IKZF1: variants seen among roughly 807,000 people sequenced by gnomAD.
IKZF1 encodes IKAROS family zinc finger 1, also known as DNA-binding protein Ikaros.
IKZF1 carries 10 observed loss-of-function variants against 51.7 expected under a neutral mutation model. The ratio of observed to expected loss-of-function variants is 0.19; its 90% CI spans 0.12 to 0.33. The LOEUF (loss-of-function observed/expected upper bound fraction) is 0.33. Among genes scored for constraint, IKZF1 ranks in the 10% least tolerant of loss-of-function variants. The pLI is 1.00. For missense variants in IKZF1, 484 were observed against 707.5 expected (o/e 0.68, Z 3.58); for synonymous variants, 280 against 282.3 (o/e 0.99, Z 0.08).
chr7:50,325,992 TGTG>T (rs1257405653), intron 2 of IKZF1, among the ~76,000 whole-genome samples: 1 of 152,206 alleles, frequency 6.6e-6, no homozygotes, highest in Non-Finnish European at 1.5e-5. Context: ...ATATGCCAAT[TGTG>T]GTAATTACAG....
At chr7:50,375,494 A>G (rs1426932766) in intron 3 of IKZF1, among the ~76,000 whole-genome samples, 1 of 152,342 alleles carries the variant, frequency 6.6e-6, no homozygotes, top group Admixed American at 6.5e-5. Flanking sequence ...CTTTCAGTGT[A>G]ACTACAAATT....
chr7:50,363,315 C>A (rs746293817), intron 3 of IKZF1, among the ~76,000 whole-genome samples: 1 of 152,126 alleles, frequency 6.6e-6, no homozygotes, highest in Non-Finnish European at 1.5e-5. Context: ...AGGTACTATG[C>A]TGGGGCCATC....
chr7:50,367,980 C>A, intron 3 of IKZF1: 1 of 663,548 alleles, frequency 1.5e-6, no homozygotes, highest in South Asian at 1.7e-5. Context: ...CACAACCCAG[C>A]TTTCTTTTTG....
At chr7:50,326,492 A>T (rs1419120105) in intron 2 of IKZF1, among the ~76,000 whole-genome samples, 1 of 152,228 alleles carries the variant, frequency 6.6e-6, no homozygotes, top group Non-Finnish European at 1.5e-5. Context: ...TAGATTTGGA[A>T]GGGCGGAAAC....
chr7:50,332,822 T>A (rs1040514663), intron 3 of IKZF1, among the ~76,000 whole-genome samples: 1 of 152,124 alleles, frequency 6.6e-6, no homozygotes, highest in African/African-American at 2.4e-5. Flanking sequence ...TATAGGGAGA[T>A]AAGGTATATT....
At position 50,401,370 on chromosome 7, in the gene IKZF1, T is replaced by C. The variant is rs1219655979; in HGVS notation, c.*743T>C. The C allele has an allele frequency of 4.4e-6, 1 of 228,544 alleles. No homozygotes were observed. Among genetic ancestry groups the C allele is most frequent in the Non-Finnish European group, 8.7e-6 (1 of 115,094 alleles). 14.2% of individuals were successfully genotyped at this position (228,544 alleles called of 1,614,324 possible). ...GGAGGCTGCTCAGATGGCCTGAGCC[T>C]CCCGAGGCTTGCTGCCCCGTAGGAG... On this transcript the variant is annotated 3_prime_UTR_variant, in exon 8 of 8. Coordinates refer to ENST00000331340, the MANE Select transcript of IKZF1 (RefSeq NM_006060.6).
intron 3 of IKZF1, among the ~76,000 whole-genome samples, chr7:50,335,745 A>T (rs1311010038): frequency 6.6e-6 from 1 of 150,996 alleles, no homozygotes; most frequent in South Asian, 2.1e-4. Context: ...TGTGGTGTGT[A>T]TGTGTGTATG....
upstream of IKZF1, chr7:50,303,977 G>C (rs1314250101): frequency 6.9e-6 from 1 of 145,124 alleles, no homozygotes; most frequent in East Asian, 2.0e-4. The surrounding 1 kb of genome is among the most constrained non-coding windows in gnomAD (Gnocchi z 4.7). Context: ...GTGCGGGGCC[G>C]CGGCGCGATG....
chr7:50,355,818 G>C (rs1015665335), intron 3 of IKZF1, among the ~76,000 whole-genome samples: 1 of 152,184 alleles, frequency 6.6e-6, no homozygotes, highest in East Asian at 1.9e-4. Flanking sequence ...CCCTAGGGAG[G>C]CAGCGTTCCC....
chr7:50,305,070 G>A (rs767005626), intron 1 of IKZF1, 148 bp downstream of exon 1: 1 of 152,506 alleles, frequency 6.6e-6, no homozygotes, highest in African/African-American at 2.4e-5. Context: ...CAGTGAGAGA[G>A]TTCACTTCTG....
rs1817755606 is a variant in IKZF1, at chr7:50,400,131, C to T, written c.1064C>T (p.Ala355Val). 1.3e-6 allele frequency: 2 copies of T among 1,562,962 alleles called. No homozygotes were observed. Among genetic ancestry groups the T allele is most frequent in the Non-Finnish European group, 8.7e-7 (1 of 1,155,498 alleles). Reference protein sequence around the residue: ...SPMYQLHKPLAEGTPRSNHSA... With the variant: ...SPMYQLHKPLVEGTPRSNHSA... Reference sequence around the variant, plus strand: ...ATGTACCAGCTGCACAAGCCGCTCGCGGAGGGCACCCCGCGCTCCAACCAC... The same window carrying T: ...ATGTACCAGCTGCACAAGCCGCTCGTGGAGGGCACCCCGCGCTCCAACCAC... Residue 355 changes from alanine to valine, a missense_variant, in exon 8 of 8, where the codon GCG becomes GTG. Ala to Val is a moderately conservative substitution (Grantham distance 64). This residue lies in a region of IKZF1 where 172 missense variants were observed against 192.7 expected (regional missense o/e 0.89). Coordinates refer to ENST00000331340, the MANE Select transcript of IKZF1 (RefSeq NM_006060.6). This position sits in a 1 kb window ranked among gnomAD's most constrained non-coding sequence, Gnocchi z 5.4.
intron 1 of IKZF1, among the ~76,000 whole-genome samples, chr7:50,313,395 A>T (rs2153346854): frequency 6.6e-6 from 1 of 152,358 alleles, no homozygotes; most frequent in East Asian, 1.9e-4. Flanking sequence ...GGGAGGAAAA[A>T]GTAAATAGCA....
At chr7:50,350,601 A>G (rs554891011) in intron 3 of IKZF1, among the ~76,000 whole-genome samples, 1 of 152,186 alleles carries the variant, frequency 6.6e-6, no homozygotes, top group South Asian at 2.1e-4. Context: ...ACACCAGTGG[A>G]CTCTAACGAC....
intron 3 of IKZF1, among the ~76,000 whole-genome samples, chr7:50,336,088 G>C (rs1020781738): frequency 3.3e-5 from 5 of 152,136 alleles, no homozygotes; most frequent in Non-Finnish European, 7.4e-5. Flanking sequence ...TTAGGGAGAA[G>C]CATTGACACA....
At chr7:50,364,376 G>C (rs1806191902) in intron 3 of IKZF1, among the ~76,000 whole-genome samples, 1 of 152,216 alleles carries the variant, frequency 6.6e-6, no homozygotes, top group African/African-American at 2.4e-5. Context: ...TTGGGGAATA[G>C]AAATTCTTAC....
intron 1 of IKZF1, among the ~76,000 whole-genome samples, chr7:50,313,944 C>CT (rs1353084988): frequency 3.3e-5 from 5 of 152,128 alleles, no homozygotes; most frequent in Admixed American, 3.3e-4. Flanking sequence ...TACCAGTATC[C>CT]TTTTCTTTGC....
intron 3 of IKZF1, among the ~76,000 whole-genome samples, chr7:50,335,782 GT>G: frequency 6.6e-6 from 1 of 152,006 alleles, no homozygotes; most frequent in East Asian, 1.9e-4. Flanking sequence ...TGTGGTGTAT[GT>G]GTGCACATGC....
chr7:50,373,130 G>A (rs1031723786), intron 3 of IKZF1, among the ~76,000 whole-genome samples: 1 of 152,196 alleles, frequency 6.6e-6, no homozygotes, highest in African/African-American at 2.4e-5. Flanking sequence ...ATCCATTGTG[G>A]GCTTTCCCCC....
intron 3 of IKZF1, chr7:50,368,315 T>G: frequency 2.8e-6 from 2 of 703,234 alleles, no homozygotes; most frequent in South Asian, 3.0e-5. Context: ...ACAGTAGCAC[T>G]GATGGGATTG....
Sources: gnomAD v4.1 joint callset for allele counts (sites outside exome capture counted in the v4.1 genomes callset) on GRCh38, gnomAD v4.1.1 for gene constraint, gnomAD v4.1.1 regional missense constraint, Gnocchi (gnomAD v3.1) non-coding constraint, MANE v1.5 for transcripts, NCBI Gene and HGNC (gene_info 2026-07-23, HGNC 2026-07-21) for gene names.